LMCD1: variants seen among roughly 807,000 people sequenced by gnomAD.
LMCD1 encodes LIM and cysteine rich domains 1.
Under a neutral mutation model 42.7 loss-of-function variants are expected in LMCD1, and 32 were observed. The observed-to-expected ratio is 0.75, with a 90% confidence interval of 0.57 to 1.01. The LOEUF (loss-of-function observed/expected upper bound fraction) is 1.01, where lower values mean the gene tolerates loss of function less well. Among genes scored for constraint, LMCD1 ranks in the 50% least tolerant of loss-of-function variants. The pLI is 0.00. For synonymous variants in LMCD1, 178 were observed against 184.9 expected, an observed-to-expected ratio of 0.96 and a Z score of 0.30; for missense variants, 458 against 483.1, an observed-to-expected ratio of 0.95 and a Z score of 0.49.
intron 1 of LMCD1, among the ~76,000 whole-genome samples, chr3:8,514,434 C>T (rs1694062071): frequency 6.6e-6 from 1 of 152,120 alleles, no homozygotes; most frequent in Non-Finnish European, 1.5e-5. Context: ...GATACAGCCA[C>T]CGTGGAAAGC....
At chr3:8,542,135 T>C (rs1694639712) in intron 3 of LMCD1, among the ~76,000 whole-genome samples, 1 of 151,414 alleles carries the variant, frequency 6.6e-6, no homozygotes, top group Non-Finnish European at 1.5e-5. Flanking sequence ...GCTGGGGCTA[T>C]AGGCACACAC....
chr3:8,569,539 G>A lies in LMCD1; in HGVS notation c.*1941G>A, dbSNP rs1695181144. 1 of 152,200 alleles carries A rather than the reference G, an allele frequency of 6.6e-6. No homozygotes were observed. The highest frequency in any genetic ancestry group is 1.5e-5 in the Non-Finnish European group (1 of 68,060). 9.4% of individuals were successfully genotyped at this position (152,200 alleles called of 1,614,324 possible). The stretch of plus-strand genomic sequence containing the variant: ...CGCCCATAGATGTTACGGTCTGTGG[G>A]GGAGATGGGCCTCAAGCAAATATTC... On this transcript the variant is annotated 3_prime_UTR_variant, in exon 6 of 6. Transcript: ENST00000157600.
intron 1 of LMCD1, among the ~76,000 whole-genome samples, chr3:8,526,332 A>T (rs1694299156): frequency 6.6e-6 from 1 of 152,188 alleles, no homozygotes; most frequent in African/African-American, 2.4e-5. Flanking sequence ...TAAAATGTGG[A>T]TCTGGAATTC....
At chr3:8,508,622 CAG>C (rs1483436048) in intron 1 of LMCD1, among the ~76,000 whole-genome samples, 2 of 152,082 alleles carry the variant, frequency 1.3e-5, no homozygotes, top group African/African-American at 2.4e-5. Context: ...ACAAATGGGA[CAG>C]GGGGAGAAAT....
intron 1 of LMCD1, among the ~76,000 whole-genome samples, chr3:8,511,781 T>C (rs922208674): frequency 2.0e-5 from 3 of 152,186 alleles, no homozygotes; most frequent in African/African-American, 7.2e-5. Flanking sequence ...TGAGAACCTG[T>C]TCCTCTTCCT....
At chr3:8,503,857 G>A (rs545839175) in intron 1 of LMCD1, among the ~76,000 whole-genome samples, 2 of 152,304 alleles carry the variant, frequency 1.3e-5, no homozygotes, top group African/African-American at 4.8e-5. Context: ...CTGGTTGATA[G>A]TTACTGTATG....
chr3:8,505,380 A>C (rs1693859318), intron 1 of LMCD1, among the ~76,000 whole-genome samples: 1 of 152,106 alleles, frequency 6.6e-6, no homozygotes, highest in Non-Finnish European at 1.5e-5. Flanking sequence ...TTCACTTTGG[A>C]GTTATATAAT....
chr3:8,504,635 A>C (rs1455580741), intron 1 of LMCD1, among the ~76,000 whole-genome samples: 1 of 152,246 alleles, frequency 6.6e-6, no homozygotes, highest in Non-Finnish European at 1.5e-5. Flanking sequence ...CCACATACAT[A>C]CATCGTGGCA....
At chr3:8,520,692 A>G (rs1296138244) in intron 1 of LMCD1, among the ~76,000 whole-genome samples, 1 of 152,230 alleles carries the variant, frequency 6.6e-6, no homozygotes, top group Non-Finnish European at 1.5e-5. Context: ...CAACTCCAAG[A>G]GAAAAAACAA....
Position 8,567,607 on chromosome 3 carries a change from C to G in LMCD1, c.*9C>G. 1.2e-6 allele frequency: 2 copies of G among 1,608,832 alleles called. No homozygotes were observed. The highest frequency in any genetic ancestry group is 1.7e-6 in the Non-Finnish European group (2 of 1,177,000). ...AGTCCAAACGCTCCTGAAGGGCTGC[C>G]CACCCACAGCCAGAATCCACAGGAT... On this transcript the variant is annotated 3_prime_UTR_variant, in exon 6 of 6. Coordinates refer to ENST00000157600, the MANE Select transcript of LMCD1 (RefSeq NM_014583.4).
chr3:8,514,126 TAGAG>T (rs906360953), intron 1 of LMCD1, among the ~76,000 whole-genome samples: 25 of 152,262 alleles, frequency 1.6e-4, no homozygotes, highest in African/African-American at 5.5e-4. Flanking sequence ...CATACATACA[TAGAG>T]AGATCTGGGT....
intron 4 of LMCD1, chr3:8,550,036 G>T: frequency 6.6e-7 from 1 of 1,506,860 alleles, no homozygotes; most frequent in Non-Finnish European, 8.8e-7. Flanking sequence ...GTTTGGAGGG[G>T]ATGTTCAACC....
chr3:8,506,000 T>A (rs766265343), intron 1 of LMCD1, among the ~76,000 whole-genome samples: 1 of 152,224 alleles, frequency 6.6e-6, no homozygotes, highest in Non-Finnish European at 1.5e-5. Flanking sequence ...AAGCAACTTT[T>A]TTGCCATAAT....
In LMCD1 at chr3:8,501,901, C is replaced by T. The variant is rs763016611; in HGVS notation, c.-38C>T. The T allele has an allele frequency of 1.9e-6, 3 of 1,576,752 alleles. No individual in the cohort carries two copies. The highest frequency in any genetic ancestry group is 3.7e-5 in the Admixed American group (2 of 54,736). On this transcript the variant is annotated 5_prime_UTR_variant, in exon 1 of 6. Coordinates refer to ENST00000157600, the MANE Select transcript of LMCD1 (RefSeq NM_014583.4). ...CCGCTGCGCGCCCTCGCGCCTCTGC[C>T]TGAGAAGCCAGGCGCTGTTCCCCCA...
chr3:8,527,712 G>A (rs890549973), intron 1 of LMCD1, among the ~76,000 whole-genome samples: 2 of 152,154 alleles, frequency 1.3e-5, no homozygotes, highest in Non-Finnish European at 2.9e-5. Flanking sequence ...AATTTGGAAC[G>A]CACCACCTCA....
chr3:8,509,619 A>G (rs1693955476), intron 1 of LMCD1, among the ~76,000 whole-genome samples: 1 of 152,234 alleles, frequency 6.6e-6, no homozygotes, highest in Non-Finnish European at 1.5e-5. Context: ...ATAAGGCAGG[A>G]GACAGGCCAA....
intron 1 of LMCD1, among the ~76,000 whole-genome samples, chr3:8,523,178 C>T (rs1026781828): frequency 6.6e-6 from 1 of 152,178 alleles, no homozygotes; most frequent in Non-Finnish European, 1.5e-5. Flanking sequence ...CAGTAGGGCT[C>T]ATCTCAATTT....
At chr3:8,548,994 T>C in intron 4 of LMCD1, 91 bp downstream of exon 4, 1 of 917,484 alleles carries the variant, frequency 1.1e-6, no homozygotes, top group Non-Finnish European at 1.6e-6. Context: ...TGTTCCCTCA[T>C]TCATGCATTT....
chr3:8,529,935 A>T (rs187089966), intron 1 of LMCD1, among the ~76,000 whole-genome samples: 59 of 152,346 alleles, frequency 3.9e-4, no homozygotes, highest in Admixed American at 3.6e-3. Flanking sequence ...TAACCCTGCA[A>T]GGCAAGTTGC....
Sources: gnomAD v4.1 joint callset for allele counts (sites outside exome capture counted in the v4.1 genomes callset) on GRCh38, gnomAD v4.1.1 for gene constraint, MANE v1.5 for transcripts, NCBI Gene and HGNC (gene_info 2026-07-23, HGNC 2026-07-21) for gene names.